Variants in FGF14 observed in about 807,000 individuals in gnomAD.
FGF14 encodes fibroblast growth factor homologous factor 4.
Under a neutral mutation model 25.5 loss-of-function variants are expected in FGF14, and 5 were observed. The observed-to-expected ratio is 0.20, with a 90% CI of 0.10 to 0.41. The LOEUF is 0.41. Ranked by LOEUF, FGF14 falls within the 10% of genes least tolerant of loss-of-function variation. FGF14 has a pLI of 1.00. For missense variants in FGF14, 222 were observed against 320.1 expected, an observed-to-expected ratio of 0.69 and a Z score of 2.34; for synonymous variants, 138 against 118.3, an observed-to-expected ratio of 1.17 and a Z score of -1.08.
chr13:102,061,523 T>C (rs939424792), intron 1 of FGF14, among the ~76,000 whole-genome samples: 20 of 152,392 alleles, frequency 1.3e-4, no homozygotes, highest in African/African-American at 3.4e-4. Flanking sequence ...TTACTCACTT[T>C]TATAGACAAA....
chr13:102,262,885 C>G (rs1286107273), intron 1 of FGF14, among the ~76,000 whole-genome samples: 2 of 152,080 alleles, frequency 1.3e-5, no homozygotes, highest in Non-Finnish European at 2.9e-5. Flanking sequence ...CCCAGCAAAC[C>G]AATGCGTTCA....
chr13:102,351,419 GT>G (rs1389606153), intron 1 of FGF14, among the ~76,000 whole-genome samples: 1 of 152,124 alleles, frequency 6.6e-6, no homozygotes, highest in African/African-American at 2.4e-5. Context: ...TATTTTAATA[GT>G]TTTTCATTGG....
intron 1 of FGF14, among the ~76,000 whole-genome samples, chr13:102,277,340 C>T (rs1389102307): frequency 6.6e-6 from 1 of 152,232 alleles, no homozygotes; most frequent in Non-Finnish European, 1.5e-5. Flanking sequence ...AACCATGACT[C>T]ACTGTCCTAA....
At chr13:101,928,395 G>GGTGTGT (rs149758126) in intron 1 of FGF14, among the ~76,000 whole-genome samples, 9 of 148,028 alleles carry the variant, frequency 6.1e-5, no homozygotes, top group African/African-American at 1.2e-4. Context: ...AACTTGCTGT[G>GGTGTGT]GTGTGTGTGT....
intron 1 of FGF14, among the ~76,000 whole-genome samples, chr13:102,395,973 A>G (rs757616397): frequency 3.3e-5 from 5 of 152,216 alleles, no homozygotes; most frequent in Non-Finnish European, 5.9e-5. Flanking sequence ...AGAGAACTAC[A>G]CAGGGAAAAC....
At chr13:101,774,044 C>T (rs1430221635) in intron 3 of FGF14, among the ~76,000 whole-genome samples, 1 of 151,724 alleles carries the variant, frequency 6.6e-6, no homozygotes, top group Non-Finnish European at 1.5e-5. Flanking sequence ...AATTAAGAAC[C>T]TACAGTTGTG....
intron 1 of FGF14, among the ~76,000 whole-genome samples, chr13:102,034,313 A>G (rs1279828430): frequency 6.6e-6 from 1 of 152,158 alleles, no homozygotes; most frequent in Non-Finnish European, 1.5e-5. Flanking sequence ...CATTCTGTGG[A>G]GAGAACAATG....
chr13:102,044,285 G>A (rs1386353101), intron 1 of FGF14, among the ~76,000 whole-genome samples: 1 of 151,966 alleles, frequency 6.6e-6, no homozygotes, highest in East Asian at 1.9e-4. Flanking sequence ...TGTCCTAACT[G>A]CTAATTACCC....
intron 1 of FGF14, among the ~76,000 whole-genome samples, chr13:102,196,772 C>G (rs986474993): frequency 3.9e-5 from 6 of 152,074 alleles, no homozygotes; most frequent in African/African-American, 1.2e-4. Context: ...TGTGAAAGAT[C>G]ACTAAAGGTT....
At chr13:102,020,255 G>A (rs1436201810) in intron 1 of FGF14, among the ~76,000 whole-genome samples, 2 of 151,476 alleles carry the variant, frequency 1.3e-5, no homozygotes, top group Non-Finnish European at 2.9e-5. Flanking sequence ...GGAGGTAAGA[G>A]AGTGAGAGAA....
At chr13:101,801,884 A>T (rs943213699) in intron 3 of FGF14, 1 of 383,440 alleles carries the variant, frequency 2.6e-6, no homozygotes, top group African/African-American at 2.1e-5. Context: ...CAGGATGGCT[A>T]AAGGTGACAC....
intron 1 of FGF14, among the ~76,000 whole-genome samples, chr13:102,283,121 T>TGCCATCA (rs1365324232): frequency 1.3e-5 from 2 of 152,160 alleles, no homozygotes. Context: ...CCCCAGCTCC[T>TGCCATCA]GCCATCACGC....
chr13:102,224,071 C>T (rs887620646), intron 1 of FGF14, among the ~76,000 whole-genome samples: 40 of 151,952 alleles, frequency 2.6e-4, no homozygotes, highest in Non-Finnish European at 1.6e-4. Flanking sequence ...CACGTATAAA[C>T]ATATTGTAAC....
intron 1 of FGF14, among the ~76,000 whole-genome samples, chr13:102,380,265 A>G (rs1481720048): frequency 1.3e-5 from 2 of 151,730 alleles, no homozygotes; most frequent in Non-Finnish European, 2.9e-5. Context: ...AGTAAACAGA[A>G]TGTCATGGAA....
At chr13:102,321,988 G>T (rs990576947) in intron 1 of FGF14, among the ~76,000 whole-genome samples, 24 of 152,170 alleles carry the variant, frequency 1.6e-4, no homozygotes, top group African/African-American at 5.8e-4. Context: ...GACCCAGACA[G>T]GATTAGATTG....
At chr13:101,945,467 G>A (rs1052033081) in intron 1 of FGF14, among the ~76,000 whole-genome samples, 1 of 152,216 alleles carries the variant, frequency 6.6e-6, no homozygotes, top group Non-Finnish European at 1.5e-5. Flanking sequence ...TGTTAGAACA[G>A]TTAGCCATAC....
At chr13:101,963,739 T>TTATTA (rs2037012812) in intron 1 of FGF14, among the ~76,000 whole-genome samples, 1 of 152,198 alleles carries the variant, frequency 6.6e-6, no homozygotes, top group African/African-American at 2.4e-5. Flanking sequence ...ATGAATTACT[T>TTATTA]TATTATTATC....
chr13:102,046,271 AAC>A (rs1207085180), intron 1 of FGF14, among the ~76,000 whole-genome samples: 1 of 152,200 alleles, frequency 6.6e-6, no homozygotes, highest in Non-Finnish European at 1.5e-5. Flanking sequence ...TAGAATTATA[AAC>A]ACAGATAGAT....
chr13:101,873,882 TAAAC>T (rs1398160387), intron 2 of FGF14, among the ~76,000 whole-genome samples: 3 of 150,358 alleles, frequency 2.0e-5, no homozygotes, highest in Admixed American at 6.6e-5. Context: ...AATAAACCAA[TAAAC>T]AAACATAAAA....
Sources: allele counts gnomAD v4.1 joint callset (sites outside exome capture counted in the v4.1 genomes callset), GRCh38; gene constraint gnomAD v4.1.1; transcripts MANE v1.5; gene names NCBI Gene and HGNC (gene_info 2026-07-23, HGNC 2026-07-21).